Variants in WFDC10B observed in about 807,000 individuals in gnomAD.
WFDC10B encodes WAP four-disulfide core domain 10B.
Under a neutral mutation model 2.7 loss-of-function variants are expected in WFDC10B, and 1 was observed. That is an observed-to-expected ratio of 0.38 (90% CI 0.13 to 1.79). WFDC10B has a LOEUF of 1.79. WFDC10B is among the 40% of genes most tolerant of loss of function. The pLI, the probability that WFDC10B is intolerant of heterozygous loss-of-function variation, is 0.33. For synonymous variants in WFDC10B, 26 were observed against 32.2 expected (o/e 0.81, Z 0.65); for missense variants, 71 against 87.8 (o/e 0.81, Z 0.76).
chr20:45,689,976 G>A (rs906766179), intron 2 of WFDC10B, among the ~76,000 whole-genome samples: 10 of 151,720 alleles, frequency 6.6e-5, no homozygotes, highest in African/African-American at 2.4e-4. Context: ...TTGGCTGTGG[G>A]TTTGTCATAG....
chr20:45,703,713 G>A (rs768995221), intron 2 of WFDC10B, among the ~76,000 whole-genome samples: 11 of 152,224 alleles, frequency 7.2e-5, no homozygotes, highest in Middle Eastern at 3.4e-3. Flanking sequence ...GAAATACTTG[G>A]GGGTAGGGGA....
intron 2 of WFDC10B, among the ~76,000 whole-genome samples, chr20:45,690,014 C>T (rs894131335): frequency 2.6e-5 from 4 of 151,932 alleles, no homozygotes; most frequent in African/African-American, 9.7e-5. Context: ...GAGATACGTC[C>T]CATCAATACC....
Position 45,687,348 on chromosome 20 carries a change from C to A in WFDC10B, c.-64-1292G>T, listed in dbSNP as rs572504113. ...TCCTTGCAAAGAACATGATCTCATT[C>A]CTTTTTATGCCACATAGTATTCCAT... is the stretch of plus-strand genomic sequence containing the variant. On this transcript the variant is annotated intron_variant, in intron 2 of 3. Coordinates refer to ENST00000330523, the MANE Select transcript of WFDC10B (RefSeq NM_172006.2). Among the ~76,000 whole-genome samples, 3 of 152,212 alleles carry A rather than the reference C, an allele frequency of 2.0e-5. No homozygotes were observed. In the South Asian group the frequency reaches 6.2e-4, roughly 32 times the overall value.
At chr20:45,690,717 G>A (rs1337550129) in intron 2 of WFDC10B, among the ~76,000 whole-genome samples, 1 of 151,812 alleles carries the variant, frequency 6.6e-6, no homozygotes, top group Admixed American at 6.6e-5. Context: ...GCATCTATTT[G>A]ATTCTTCTCT....
At position 45,704,505 on chromosome 20, in the gene WFDC10B, A is replaced by C; in HGVS notation, c.-73T>G. 1.9e-6 allele frequency: 3 copies of C among 1,614,214 alleles called. No individual in the cohort carries two copies. The highest frequency in any genetic ancestry group is 2.5e-6 in the Non-Finnish European group (3 of 1,180,038). On this transcript the variant is annotated 5_prime_UTR_variant, in exon 2 of 4. The change creates a new upstream start codon in the 5' untranslated region. Transcript: ENST00000330523. ...CTGAAAACTGTACTCACCTGTGTAC[A>C]ATGCAGGAAGATTGCGAGAAAGGAT...
intron 3 of WFDC10B, among the ~76,000 whole-genome samples, chr20:45,685,301 GA>G (rs1441940467): frequency 6.6e-6 from 1 of 152,088 alleles, no homozygotes; most frequent in African/African-American, 2.4e-5. Context: ...AGAAGCCTGA[GA>G]CATTTCCAAA....
intron 2 of WFDC10B, among the ~76,000 whole-genome samples, chr20:45,699,430 A>C (rs1279425044): frequency 1.3e-5 from 2 of 152,218 alleles, no homozygotes; most frequent in Non-Finnish European, 2.9e-5. Context: ...TATATATACA[A>C]TGGAGTATTA....
Position 45,687,963 on chromosome 20 carries a change from C to T in WFDC10B, c.-64-1907G>A, listed in dbSNP as rs1270594355. On this transcript the variant is annotated intron_variant, in intron 2 of 3. Transcript: ENST00000330523. ...TATGTATACATGTGACATGCTGGTG[C>T]GCTGCACCCACTAACTCATCATCTA... 1.9e-4 allele frequency among the ~76,000 whole-genome samples: 28 copies of T among 150,192 alleles called. No homozygotes were observed. The East Asian group carries it at 4.2e-3, about 22-fold the overall frequency.
At chr20:45,687,822 C>T (rs1367423715) in intron 2 of WFDC10B, among the ~76,000 whole-genome samples, 3 of 150,918 alleles carry the variant, frequency 2.0e-5, no homozygotes, top group Non-Finnish European at 4.4e-5. Flanking sequence ...CTGTTCATGT[C>T]CTTTGCCCAC....
At position 45,684,862 on chromosome 20, in the gene WFDC10B, A is replaced by C. The variant is rs766297501; in HGVS notation, c.190T>G (p.Phe64Val). ...ATGCTCATACAAATGTTCCCACAGA[A>C]GGCTGAACAGCATATCTTATTTGTT... ...CETNKICCSA[F>V]CGNICMSIL The change falls in exon 4 of 4, where the codon TTC becomes GTC. Residue 64 changes from phenylalanine (F) to valine (V), a missense_variant. Transcript: ENST00000330523. 1 of 1,614,058 alleles carries C rather than the reference A, an allele frequency of 6.2e-7. No homozygotes were observed. The highest frequency in any genetic ancestry group is 2.2e-5 in the East Asian group (1 of 44,882).
intron 2 of WFDC10B, among the ~76,000 whole-genome samples, chr20:45,703,451 T>C (rs1038501743): frequency 9.2e-5 from 14 of 152,196 alleles, no homozygotes; most frequent in African/African-American, 2.9e-4. Context: ...TAATATCCTA[T>C]AGATTTCCTT....
chr20:45,696,544 A>T (rs1983985045), intron 2 of WFDC10B, among the ~76,000 whole-genome samples: 1 of 152,044 alleles, frequency 6.6e-6, no homozygotes, highest in African/African-American at 2.4e-5. Context: ...GACACAAATA[A>T]CTAATATCAG....
At chr20:45,697,775 G>A (rs1167001245) in intron 2 of WFDC10B, among the ~76,000 whole-genome samples, 5 of 130,060 alleles carry the variant, frequency 3.8e-5, no homozygotes, top group Admixed American at 1.8e-4. Context: ...ATGGAGTCTC[G>A]TTCCGTCACC....
chr20:45,697,736 C>A (rs1034356273), intron 2 of WFDC10B, among the ~76,000 whole-genome samples: 3 of 138,998 alleles, frequency 2.2e-5, no homozygotes, highest in African/African-American at 8.1e-5. Context: ...ACAGGTATTT[C>A]TTTTTCTTTT....
intron 2 of WFDC10B, among the ~76,000 whole-genome samples, chr20:45,688,382 G>A (rs6032435): frequency 0.59 from 90,101 of 151,798 alleles, 27,753 homozygotes; most frequent in East Asian, 0.98. Flanking sequence ...TCCTTTGGGT[G>A]TATACCCAGT....
chr20:45,703,644 T>C (rs183959235), intron 2 of WFDC10B, among the ~76,000 whole-genome samples: 3 of 151,948 alleles, frequency 2.0e-5, no homozygotes, highest in Non-Finnish European at 2.9e-5. Context: ...AGAAAGGAGA[T>C]TGTGGGTTGT....
rs1308701395 is a variant in WFDC10B at position 45,689,834 on chromosome 20, T to G, written c.-64-3778A>C. On this transcript the variant is annotated intron_variant, in intron 2 of 3. Coordinates refer to ENST00000330523, the MANE Select transcript of WFDC10B (RefSeq NM_172006.2). ...TTTTCCTAATTGAATACACTTTATTTCCTTCTCCTGCCTAATTGCCCAGGC... is the reference window on the plus strand; with the variant it reads ...TTTTCCTAATTGAATACACTTTATTGCCTTCTCCTGCCTAATTGCCCAGGC... 2.0e-4 allele frequency among the ~76,000 whole-genome samples: 31 copies of G among 152,326 alleles called. No homozygotes were observed. The East Asian group carries it at 3.9e-3, about 19-fold the overall frequency.
Position 45,685,899 on chromosome 20 carries a change from T to A in WFDC10B, c.91+3A>T, listed in dbSNP as rs199778445. ...ATCACCCATCCAGCAGCCCATCACCTACTCTGCATCCTCATCTTGTCACGG... is the reference window on the plus strand; with the variant it reads ...ATCACCCATCCAGCAGCCCATCACCAACTCTGCATCCTCATCTTGTCACGG... On this transcript the variant is annotated splice_donor_region_variant and intron_variant, in intron 3 of 3. Coordinates refer to ENST00000330523, the MANE Select transcript of WFDC10B (RefSeq NM_172006.2). 1,018 of 1,613,662 alleles carry A rather than the reference T, an allele frequency of 6.3e-4. 2 individuals are homozygous for A. Among genetic ancestry groups the A allele is most frequent in the Non-Finnish European group, 7.9e-4 (937 of 1,179,986 alleles).
chr20:45,697,094 A>C (rs1433210915), intron 2 of WFDC10B, among the ~76,000 whole-genome samples: 2 of 152,226 alleles, frequency 1.3e-5, no homozygotes, highest in African/African-American at 4.8e-5. Flanking sequence ...ACTGCTAGTC[A>C]ACATTGTAAT....
Sources: allele counts gnomAD v4.1 joint callset (sites outside exome capture counted in the v4.1 genomes callset), GRCh38; gene constraint gnomAD v4.1.1; transcripts MANE v1.5; gene names NCBI Gene and HGNC (gene_info 2026-07-23, HGNC 2026-07-21).